Variants in RPL21 observed in about 807,000 individuals in gnomAD.
The protein encoded by RPL21 is large ribosomal subunit protein eL21.
Under a neutral mutation model 21.2 loss-of-function variants are expected in RPL21, and 1 was observed. That is an observed-to-expected ratio of 0.05 (90% confidence interval 0.02 to 0.22). The LOEUF is 0.22. Among genes scored for constraint, RPL21 ranks in the 10% least tolerant of loss-of-function variants. The probability of loss-of-function intolerance (pLI) is 1.00; values close to 1 mark genes in which losing one functional copy is unlikely to be tolerated. For missense variants in RPL21, 113 were observed against 199.4 expected (o/e 0.57, Z 2.61); for synonymous variants, 52 against 62.9 (o/e 0.83, Z 0.82).
chr13:27,254,245 G>A lies in RPL21; in HGVS notation c.93G>A (p.Met31Ile). ...KHGVVPLATY[M>I]RIYKKGDIVD... Reference sequence around the variant, plus strand: ...GAGTTGTTCCTTTGGCCACATATATGCGAATCTATAAGAAAGGTGATATTG... The same window carrying A: ...GAGTTGTTCCTTTGGCCACATATATACGAATCTATAAGAAAGGTGATATTG... The change falls in exon 3 of 6, where the codon ATG (methionine) becomes ATA (isoleucine). Residue 31 changes from methionine to isoleucine, a missense_variant. Coordinates refer to ENST00000311549, the MANE Select transcript of RPL21 (RefSeq NM_000982.4). 6.2e-7 allele frequency: 1 copy of A among 1,600,258 alleles called. No individual in the cohort carries two copies. Among genetic ancestry groups the A allele is most frequent in the South Asian group, 1.1e-5 (1 of 90,766 alleles).
intron 3 of RPL21, chr13:27,254,575 G>A: frequency 5.3e-6 from 2 of 378,070 alleles, no homozygotes; most frequent in South Asian, 5.4e-5. Context: ...TGTATTTTTA[G>A]TAGAGAAGTG....
At chr13:27,256,148 TG>T in intron 4 of RPL21, 35 bp from the exon 5 acceptor site, 1 of 1,523,486 alleles carries the variant, frequency 6.6e-7, no homozygotes, top group Non-Finnish European at 9.0e-7. Context: ...GTTATATTTT[TG>T]TTAAAGCACT....
Position 27,256,309 on chromosome 13 carries a change from G to C in RPL21, c.368G>C (p.Gly123Ala). The C allele has an allele frequency of 6.2e-7, 1 of 1,609,616 alleles. No homozygotes were observed. Among genetic ancestry groups the C allele is most frequent in the Non-Finnish European group, 8.5e-7 (1 of 1,177,070 alleles). ...AAAAAGAAAGAAGCCAAAGAGAAAG[G>C]TACCTGGGTTCAACTAAAGCGCCAG... ...DQKKKEAKEK[G>A]TWVQLKRQPA... The change falls in exon 5 of 6, where the codon GGT becomes GCT. Residue 123 changes from glycine to alanine, a missense_variant. Transcript: ENST00000311549.
chr13:27,255,810 G>T lies in RPL21; in HGVS notation c.243-374G>T. The T allele has an allele frequency of 9.2e-6, 3 of 327,310 alleles. No homozygotes were observed. The East Asian group carries it at 2.5e-4, about 27-fold the overall frequency. 20.3% of individuals were successfully genotyped at this position (327,310 alleles called of 1,614,324 possible). A position where few individuals can be genotyped will look rare whatever the true frequency, so the allele number is the denominator to read the frequency against. The stretch of plus-strand genomic sequence containing the variant: ...GATGGTCTCAATCTCCTGACCTCGT[G>T]ATCTGCCTGCCTCGGCCTCCCAAAG... On this transcript the variant is annotated intron_variant, in intron 4 of 5. Coordinates refer to ENST00000311549, the MANE Select transcript of RPL21 (RefSeq NM_000982.4).
intron 3 of RPL21, chr13:27,254,488 G>A (rs989196542): frequency 1.4e-5 from 7 of 513,522 alleles, no homozygotes; most frequent in South Asian, 1.1e-4. Context: ...CCTCCCTCCC[G>A]GATTCAAGCA....
Position 27,254,210 on chromosome 13 carries a change from A to T in RPL21, c.68-10A>T. ...CCTTAATACTCACTATACCAAATTT[A>T]TTTTTGTAGGAGTTGTTCCTTTGGC... On this transcript the variant is annotated splice_polypyrimidine_tract_variant and intron_variant, in intron 2 of 5. Coordinates refer to ENST00000311549, the MANE Select transcript of RPL21 (RefSeq NM_000982.4). The T allele has an allele frequency of 6.4e-7, 1 of 1,564,518 alleles. No homozygotes were observed. The highest frequency in any genetic ancestry group is 1.1e-5 in the South Asian group (1 of 90,074).
chr13:27,255,571 GGTTT>G (rs760398014), intron 4 of RPL21: 5 of 719,136 alleles, frequency 7.0e-6, no homozygotes, highest in Admixed American at 3.5e-5. Context: ...GTTACTAAGC[GGTTT>G]GTTTGTTTTG....
chr13:27,253,786 A>T lies in RPL21; in HGVS notation c.10A>T (p.Thr4Ser). The T allele has an allele frequency of 6.2e-7, 1 of 1,605,296 alleles. No individual in the cohort carries two copies. MTN[T>S]KGKRRGTRYM... The stretch of plus-strand genomic sequence containing the variant: ...TCAGTAATTCGCCAAAATGACGAAC[A>T]CAAAGGGAAAGAGGAGAGGCACCCG... The change falls in exon 2 of 6, where the codon ACA (threonine) becomes TCA (serine). Residue 4 changes from threonine to serine, a missense_variant. Transcript: ENST00000311549.
At chr13:27,253,210 A>G (rs1463288766) in intron 1 of RPL21, among the ~76,000 whole-genome samples, 2 of 152,216 alleles carry the variant, frequency 1.3e-5, no homozygotes, top group East Asian at 3.8e-4. Flanking sequence ...TAGGTCAATG[A>G]TTATAAAGCC....
chr13:27,252,388 C>T (rs1881694365), intron 1 of RPL21, among the ~76,000 whole-genome samples: 1 of 152,146 alleles, frequency 6.6e-6, no homozygotes, highest in Admixed American at 6.5e-5. Flanking sequence ...GAGCAAACTG[C>T]AGGTTGCTCT....
intron 5 of RPL21, 45 bp from the exon 6 acceptor site, chr13:27,256,391 A>C: frequency 6.4e-7 from 1 of 1,568,208 alleles, no homozygotes; most frequent in Non-Finnish European, 8.8e-7. Context: ...TTGAGATTTA[A>C]CACATCACAT....
intron 1 of RPL21, among the ~76,000 whole-genome samples, chr13:27,252,100 A>G (rs193027306): frequency 9.9e-5 from 15 of 152,254 alleles, no homozygotes; most frequent in Admixed American, 2.6e-4. Flanking sequence ...TACAGGTGTG[A>G]AAACCCGGGC....
intron 4 of RPL21, chr13:27,255,891 A>G (rs1881880052): frequency 8.5e-6 from 3 of 352,612 alleles, no homozygotes; most frequent in Non-Finnish European, 1.6e-5. Context: ...TTATAGAATA[A>G]AAAGAGAAGT....
chr13:27,255,155 G>A (rs1881838115), intron 3 of RPL21, 87 bp from the exon 4 acceptor site: 1 of 786,170 alleles, frequency 1.3e-6, no homozygotes, highest in Non-Finnish European at 2.4e-6. Flanking sequence ...CCATTTGAAA[G>A]AAATCTTAGA....
At chr13:27,253,527 G>A (rs890085636) in intron 1 of RPL21, among the ~76,000 whole-genome samples, 5 of 152,136 alleles carry the variant, frequency 3.3e-5, no homozygotes, top group Non-Finnish European at 7.4e-5. Context: ...TTGGATTCTC[G>A]TATCAAGTTC....
chr13:27,251,595 A>C lies in RPL21; in HGVS notation c.-13+10A>C, dbSNP rs979508733. The C allele has an allele frequency of 2.0e-5, 3 of 152,364 alleles. No individual in the cohort carries two copies. Among genetic ancestry groups the C allele is most frequent in the Non-Finnish European group, 4.4e-5 (3 of 68,156 alleles). The allele number at this position is 152,364 out of a possible 1,614,324, so 9.4% of individuals were successfully genotyped here. On this transcript the variant is annotated intron_variant, in intron 1 of 5. Coordinates refer to ENST00000311549, the MANE Select transcript of RPL21 (RefSeq NM_000982.4). Reference sequence around the variant, plus strand: ...AACCGCCATCTTCCAGGTAGGGCCTACGCGTGGCTCCCGGGCGCTAGGTGT... The same window carrying C: ...AACCGCCATCTTCCAGGTAGGGCCTCCGCGTGGCTCCCGGGCGCTAGGTGT...
chr13:27,254,992 C>T (rs538152697), intron 3 of RPL21: 21 of 658,134 alleles, frequency 3.2e-5, no homozygotes, highest in African/African-American at 2.7e-4. Flanking sequence ...ATTACTATTA[C>T]TATGATTAAA....
At chr13:27,251,678 G>A (rs1288301402) in intron 1 of RPL21, 93 bp downstream of exon 1, 1 of 152,384 alleles carries the variant, frequency 6.6e-6, no homozygotes, top group African/African-American at 2.4e-5. Flanking sequence ...GGACCGTGGG[G>A]AGACTCTCTA....
At chr13:27,255,555 CAGTT>C (rs771106126) in intron 4 of RPL21, 12 of 740,602 alleles carry the variant, frequency 1.6e-5, no homozygotes, top group South Asian at 6.8e-5. Flanking sequence ...AAGTCTTACA[CAGTT>C]AGTTACTAAG....
Sources: gnomAD v4.1 joint callset for allele counts (sites outside exome capture counted in the v4.1 genomes callset) on GRCh38, gnomAD v4.1.1 for gene constraint, MANE v1.5 for transcripts, NCBI Gene and HGNC (gene_info 2026-07-23, HGNC 2026-07-21) for gene names.